RNF32: variants seen among roughly 807,000 people sequenced by gnomAD.
RNF32 encodes ring finger protein 32.
RNF32 carries 36 observed loss-of-function variants against 41.0 expected under a neutral mutation model. The observed-to-expected ratio is 0.88, with a 90% confidence interval of 0.67 to 1.16. The LOEUF (loss-of-function observed/expected upper bound fraction) is 1.16, where lower values mean the gene tolerates loss of function less well. Ranked by LOEUF, RNF32 falls within the 50% of genes most tolerant of loss-of-function variation. The probability of loss-of-function intolerance (pLI) is 0.00; values close to 1 mark genes in which losing one functional copy is unlikely to be tolerated. For missense variants in RNF32, 413 were observed against 436.7 expected, an observed-to-expected ratio of 0.95 and a Z score of 0.48; for synonymous variants, 154 against 160.9, an observed-to-expected ratio of 0.96 and a Z score of 0.32.
intron 7 of RNF32, among the ~76,000 whole-genome samples, chr7:156,665,331 C>T (rs897819960): frequency 7.2e-5 from 11 of 152,282 alleles, no homozygotes; most frequent in African/African-American, 2.6e-4. Flanking sequence ...TGTTCACATG[C>T]GTTCACCTCA....
chr7:156,645,101 T>C (rs1423605429), intron 3 of RNF32, among the ~76,000 whole-genome samples: 1 of 152,122 alleles, frequency 6.6e-6, no homozygotes, highest in Non-Finnish European at 1.5e-5. Flanking sequence ...TAGACGGGGA[T>C]AGAAAATCAC....
rs374633626 is a variant in RNF32 at position 156,662,911 on chromosome 7, G to A, written c.684+4341G>A. On this transcript the variant is annotated intron_variant, in intron 7 of 8. Transcript: ENST00000317955. ...CACCCAGGCTGGAGTGCAGTGGCGCGATCTCGGCACACTGCAACCTCCGCC... is the reference window on the plus strand; with the variant it reads ...CACCCAGGCTGGAGTGCAGTGGCGCAATCTCGGCACACTGCAACCTCCGCC... Among the ~76,000 whole-genome samples, 27 of 149,340 alleles carry A rather than the reference G, an allele frequency of 1.8e-4. No homozygotes were observed. In the East Asian group the frequency reaches 2.6e-3, roughly 14 times the overall value.
intron 7 of RNF32, among the ~76,000 whole-genome samples, chr7:156,673,384 TCTA>T (rs1487103817): frequency 3.3e-5 from 5 of 152,218 alleles, no homozygotes; most frequent in African/African-American, 1.2e-4. Flanking sequence ...AGAGAACTCT[TCTA>T]CTTTCAATAA....
rs2302148 is a variant in RNF32 at position 156,676,429 on chromosome 7, G to A, written c.863G>A (p.Arg288Gln). 56,585 of 1,613,988 alleles carry A rather than the reference G, an allele frequency of 0.035. 1,438 individuals carry two copies. Among genetic ancestry groups the A allele is most frequent in the East Asian group, 0.11 (5,012 of 44,860 alleles). The change falls in exon 9 of 9, where the codon CGG becomes CAG. Residue 288 changes from arginine to glutamine, a missense_variant. Physicochemically the swap from Arg to Gln is conservative, Grantham distance 43 (BLOSUM62 1). Transcript: ENST00000317955. ...TCCTGTGTGCCGCAGGCTCTGCGCC[G>A]GGAGACCCACGAGTGCTCCATCTGC... ...WEKIQVQALR[R>Q]ETHECSICLA...
At chr7:156,650,447 C>T (rs74512371) in intron 3 of RNF32, among the ~76,000 whole-genome samples, 2,819 of 152,288 alleles carry the variant, frequency 0.019, 88 homozygotes, top group African/African-American at 0.065. Flanking sequence ...TCCACTGACG[C>T]GCAGTGGGGT....
In RNF32 at chr7:156,670,637, G is replaced by A. The variant is rs1365465362; in HGVS notation, c.685-5059G>A. On this transcript the variant is annotated intron_variant, in intron 7 of 8. Transcript: ENST00000317955. This position sits in a 1 kb window ranked among gnomAD's most constrained non-coding sequence, Gnocchi z 4.3. ...GAAGTGGCCAGGAACGAGGACAGAC[G>A]ATGGCAAACCCTGGGACCTGCAGAT... 6.6e-6 allele frequency among the ~76,000 whole-genome samples: 1 copy of A among 152,154 alleles called. No homozygotes were observed. The highest frequency in any genetic ancestry group is 2.4e-5 in the African/African-American group (1 of 41,424).
chr7:156,651,484 G>A (rs983475156), intron 3 of RNF32, among the ~76,000 whole-genome samples: 2 of 152,076 alleles, frequency 1.3e-5, no homozygotes, highest in Non-Finnish European at 2.9e-5. Flanking sequence ...AAAGTGCTGA[G>A]ATTACAGGCG....
chr7:156,671,708 A>C (rs1802584353), intron 7 of RNF32, among the ~76,000 whole-genome samples: 2 of 152,148 alleles, frequency 1.3e-5, no homozygotes, highest in African/African-American at 4.8e-5. Context: ...CCCAACAGTT[A>C]GTTTTTCAGC....
chr7:156,661,116 G>T (rs75117049), intron 7 of RNF32, among the ~76,000 whole-genome samples: 1,856 of 152,312 alleles, frequency 0.012, 35 homozygotes, highest in African/African-American at 0.041. Flanking sequence ...GGTCTTGTTT[G>T]TACTTTGGTT....
chr7:156,657,400 T>C (rs1799875728), intron 4 of RNF32, 141 bp from the exon 5 acceptor site: 1 of 755,862 alleles, frequency 1.3e-6, no homozygotes, highest in Middle Eastern at 2.9e-4. Flanking sequence ...AAACAATAAA[T>C]AGTATAAATA....
upstream of RNF32, chr7:156,640,621 T>A (rs747935245): frequency 6.1e-5 from 24 of 393,684 alleles, no homozygotes; most frequent in Non-Finnish European, 1.1e-4. Context: ...TTGGCAAGCA[T>A]GCGCAATGTG....
intron 1 of RNF32, among the ~76,000 whole-genome samples, chr7:156,641,348 G>T (rs1797282346): frequency 6.6e-6 from 1 of 152,182 alleles, no homozygotes. Context: ...CCCAGTGATC[G>T]TTTTTGCCAC....
At chr7:156,659,102 T>C (rs1463066839) in intron 7 of RNF32, 3 of 1,357,694 alleles carry the variant, frequency 2.2e-6, no homozygotes, top group African/African-American at 3.0e-5. Flanking sequence ...GGGGGACTTA[T>C]TTAACAATTT....
intron 7 of RNF32, among the ~76,000 whole-genome samples, 196 bp from the exon 8 acceptor site, chr7:156,675,500 G>A (rs77979479): frequency 0.012 from 1,899 of 152,220 alleles, 31 homozygotes; most frequent in African/African-American, 0.043. Context: ...ATCAGATAGG[G>A]GTTCTTGTGG....
chr7:156,667,092 C>T (rs1336642852), intron 7 of RNF32, among the ~76,000 whole-genome samples: 2 of 152,166 alleles, frequency 1.3e-5, no homozygotes, highest in Non-Finnish European at 2.9e-5. Context: ...CTTCCTTTAT[C>T]ACATAGAGAT....
intron 7 of RNF32, among the ~76,000 whole-genome samples, chr7:156,661,082 T>G (rs1015270981): frequency 3.9e-5 from 6 of 152,264 alleles, no homozygotes; most frequent in Non-Finnish European, 7.3e-5. Context: ...GCGGCATGAC[T>G]GTCCCTTGCC....
chr7:156,667,041 C>A (rs921911765), intron 7 of RNF32, among the ~76,000 whole-genome samples: 17 of 152,166 alleles, frequency 1.1e-4, no homozygotes, highest in Non-Finnish European at 1.6e-4. Context: ...TTACATCTCA[C>A]CAAACAGCAT....
upstream of RNF32, chr7:156,640,234 T>C (rs972819081): frequency 4.5e-6 from 2 of 449,114 alleles, no homozygotes; most frequent in Admixed American, 2.5e-5. Flanking sequence ...CCCAGAAAAC[T>C]GCCCTCGACT....
chr7:156,667,359 C>T (rs956290140), intron 7 of RNF32, among the ~76,000 whole-genome samples: 4 of 152,142 alleles, frequency 2.6e-5, no homozygotes, highest in African/African-American at 9.7e-5. Context: ...AATGTTTAGC[C>T]AGCTTGTTAC....
Sources: gnomAD v4.1 joint callset for allele counts (sites outside exome capture counted in the v4.1 genomes callset) on GRCh38, gnomAD v4.1.1 for gene constraint, Gnocchi (gnomAD v3.1) non-coding constraint, MANE v1.5 for transcripts, NCBI Gene and HGNC (gene_info 2026-07-23, HGNC 2026-07-21) for gene names.